CDH4: variants seen among roughly 807,000 people sequenced by gnomAD.
CDH4 encodes the protein cadherin 4, also known as cadherin-4.
In CDH4, 33 loss-of-function variants were observed where a neutral mutation model predicts 86.0. The ratio of observed to expected loss-of-function variants is 0.38; its 90% CI spans 0.29 to 0.51. The LOEUF (loss-of-function observed/expected upper bound fraction) is 0.51. Ranked by LOEUF, CDH4 falls within the 20% of genes least tolerant of loss-of-function variation. The pLI, the probability that CDH4 is intolerant of heterozygous loss-of-function variation, is 0.86. For synonymous variants in CDH4, 555 were observed against 549.4 expected (o/e 1.01, Z -0.14); for missense variants, 1,114 against 1,307.4 (o/e 0.85, Z 2.28).
intron 2 of CDH4, among the ~76,000 whole-genome samples, chr20:61,652,938 A>ATTTATTTATTTATTTT (rs1555819716): frequency 1.2e-4 from 12 of 97,434 alleles, no homozygotes; most frequent in South Asian, 5.9e-4. Flanking sequence ...TTATTTATTT[A>ATTTATTTATTTATTTT]TTTTTTTTTT....
intron 4 of CDH4, among the ~76,000 whole-genome samples, chr20:61,836,148 C>G (rs1223448691): frequency 6.6e-6 from 1 of 152,236 alleles, no homozygotes; most frequent in Non-Finnish European, 1.5e-5. Context: ...AGCTCCTGGG[C>G]CTGCCCATCG....
At chr20:61,909,161 C>T (rs1309297906) in intron 8 of CDH4, among the ~76,000 whole-genome samples, 1 of 152,234 alleles carries the variant, frequency 6.6e-6, no homozygotes, top group East Asian at 1.9e-4. Flanking sequence ...CACCCGGGGA[C>T]ACTCCCGGTG....
chr20:61,730,739 C>T (rs2088169273), intron 2 of CDH4, among the ~76,000 whole-genome samples: 1 of 152,210 alleles, frequency 6.6e-6, no homozygotes, highest in Non-Finnish European at 1.5e-5. Flanking sequence ...TCAGTGGAGA[C>T]ACTCGACTGC....
At chr20:61,579,854 A>G (rs1406016581) in intron 2 of CDH4, among the ~76,000 whole-genome samples, 2 of 152,108 alleles carry the variant, frequency 1.3e-5, no homozygotes, top group Non-Finnish European at 2.9e-5. Context: ...GTCCCTCTAT[A>G]TTATAGTTAT....
rs373138095 is a variant in CDH4, at chr20:61,846,443, G to A, written c.732+1620G>A. Among the ~76,000 whole-genome samples, 450 of 152,246 alleles carry A rather than the reference G, an allele frequency of 3.0e-3. 2 individuals are homozygous for A. Among genetic ancestry groups the A allele is most frequent in the Non-Finnish European group, 5.4e-3 (365 of 68,014 alleles). On this transcript the variant is annotated intron_variant, in intron 5 of 15. Transcript: ENST00000614565. ...CGCGTCTACAACAGGCTCAGGAACC[G>A]GAACTCAACAGCCCTTACTGCCAAG... is the stretch of plus-strand genomic sequence containing the variant.
intron 2 of CDH4, among the ~76,000 whole-genome samples, chr20:61,440,729 G>T (rs2085310263): frequency 1.3e-5 from 2 of 152,204 alleles, no homozygotes; most frequent in South Asian, 4.1e-4. Context: ...TTCTCGGCCC[G>T]TGGCGGGCGC....
At position 61,867,946 on chromosome 20, in the gene CDH4, C is replaced by T. The variant is rs151143316; in HGVS notation, c.878-5782C>T. Among the ~76,000 whole-genome samples, 794 of 152,336 alleles carry T rather than the reference C, an allele frequency of 5.2e-3. 3 individuals carry two copies. Among genetic ancestry groups the T allele is most frequent in the African/African-American group, 0.018 (745 of 41,578 alleles). ...TCCAGGCTCTTCTCTGTGAGGAAGA[C>T]ATTCTATTTCTGCAAAAACTCCACC... is the stretch of plus-strand genomic sequence containing the variant. On this transcript the variant is annotated intron_variant, in intron 6 of 15. Coordinates refer to ENST00000614565, the MANE Select transcript of CDH4 (RefSeq NM_001794.5).
At chr20:61,680,041 C>T (rs534307214) in intron 2 of CDH4, among the ~76,000 whole-genome samples, 12 of 152,328 alleles carry the variant, frequency 7.9e-5, no homozygotes, top group Middle Eastern at 6.8e-3. Flanking sequence ...CTGGGGCACC[C>T]GGCGGAGAGG....
chr20:61,530,277 C>T (rs1410960390), intron 2 of CDH4, among the ~76,000 whole-genome samples: 1 of 152,110 alleles, frequency 6.6e-6, no homozygotes, highest in Non-Finnish European at 1.5e-5. Flanking sequence ...GTGATCCGCC[C>T]CTTCGGCCTC....
chr20:61,589,996 A>G (rs758415579), intron 2 of CDH4, among the ~76,000 whole-genome samples: 2 of 150,862 alleles, frequency 1.3e-5, no homozygotes, highest in African/African-American at 2.4e-5. Context: ...CAGCTGGGAG[A>G]GGGAGTCTCA....
rs1176323160 is a variant in CDH4 at position 61,940,015 on chromosome 20, A to AGAT, written c.*3076_*3078dup. The AGAT allele has an allele frequency of 6.6e-5, 10 of 152,246 alleles. No homozygotes were observed. The highest frequency in any genetic ancestry group is 1.7e-4 in the African/African-American group (7 of 41,454). 9.4% of individuals were successfully genotyped at this position (152,246 alleles called of 1,614,324 possible). Reference sequence around the variant, plus strand: ...ACCAGCCGACACACACAGTCCACTGAGATGATAATTCTGTTCTCTCCAAAG... The same window carrying AGAT: ...ACCAGCCGACACACACAGTCCACTGAGATGATGATAATTCTGTTCTCTCCAAAG... On this transcript the variant is annotated 3_prime_UTR_variant, in exon 16 of 16. Transcript: ENST00000614565.
rs267606036 is a variant in CDH4 at position 61,923,615 on chromosome 20, G to A, written c.1539G>A (p.Leu513=). The A allele has an allele frequency of 5.5e-5, 89 of 1,614,002 alleles. No individual in the cohort carries two copies. In the Admixed American group the frequency reaches 1.4e-3, roughly 26 times the overall value. Residue 513 remains leucine (L), a synonymous_variant, in exon 10 of 16, where the codon CTG becomes CTA. Coordinates refer to ENST00000614565, the MANE Select transcript of CDH4 (RefSeq NM_001794.5). ...EAPYFPSNHK[L]IRLEEGVPPG... is the part of the protein sequence containing the mutation. ...CCTACTTCCCCTCAAACCACAAGCT[G>A]ATCCGCCTGGAGGAGGGCGTGCCCC...
chr20:61,279,032 G>T (rs2084244665), intron 2 of CDH4, among the ~76,000 whole-genome samples: 1 of 152,186 alleles, frequency 6.6e-6, no homozygotes, highest in African/African-American at 2.4e-5. Context: ...GGGCTTTGTG[G>T]CTCCCTTCTC....
At chr20:61,682,550 G>GGGAT (rs1352479800) in intron 2 of CDH4, among the ~76,000 whole-genome samples, 2 of 151,826 alleles carry the variant, frequency 1.3e-5, no homozygotes, top group Non-Finnish European at 1.5e-5. Context: ...GATAGGTGGA[G>GGGAT]GGATGGATGG....
intron 2 of CDH4, among the ~76,000 whole-genome samples, chr20:61,569,869 C>T (rs1440127787): frequency 6.6e-6 from 1 of 152,120 alleles, no homozygotes; most frequent in Non-Finnish European, 1.5e-5. Flanking sequence ...AGTTTAGGCG[C>T]GGCTGATGTT....
intron 2 of CDH4, among the ~76,000 whole-genome samples, chr20:61,274,418 G>A (rs1480470082): frequency 8.4e-5 from 10 of 119,422 alleles, no homozygotes; most frequent in Non-Finnish European, 3.4e-5. Context: ...GTTTGGGGGA[G>A]TACCATGTGC....
At chr20:61,597,420 G>A (rs2086564824) in intron 2 of CDH4, among the ~76,000 whole-genome samples, 1 of 152,178 alleles carries the variant, frequency 6.6e-6, no homozygotes, top group Non-Finnish European at 1.5e-5. Flanking sequence ...CCCTCTGCCT[G>A]GATTTGTTTT....
At position 61,392,911 on chromosome 20, in the gene CDH4, C is replaced by T. The variant is rs999598337; in HGVS notation, c.169+137974C>T. ...GCCAGTGGATTGACATAAAGTCTCC[C>T]GATCAGGGAAGGAGGTGCAGATACT... On this transcript the variant is annotated intron_variant, in intron 2 of 15. Coordinates refer to ENST00000614565, the MANE Select transcript of CDH4 (RefSeq NM_001794.5). This position sits in a 1 kb window ranked among gnomAD's most constrained non-coding sequence, Gnocchi z 5.7. 1.3e-5 allele frequency among the ~76,000 whole-genome samples: 2 copies of T among 151,958 alleles called. No homozygotes were observed. The highest frequency in any genetic ancestry group is 2.9e-5 in the Non-Finnish European group (2 of 68,018).
intron 2 of CDH4, among the ~76,000 whole-genome samples, chr20:61,613,598 A>ATT (rs1157696381): frequency 3.0e-3 from 8 of 2,636 alleles, no homozygotes; most frequent in Admixed American, 0.029. Flanking sequence ...CTTCAAAAGA[A>ATT]AAAAAAAAAA....
Sources: allele counts gnomAD v4.1 joint callset (sites outside exome capture counted in the v4.1 genomes callset), GRCh38; gene constraint gnomAD v4.1.1; non-coding constraint Gnocchi (gnomAD v3.1); transcripts MANE v1.5; gene names NCBI Gene and HGNC (gene_info 2026-07-23, HGNC 2026-07-21).